Variants in ARB2A observed in about 807,000 individuals in gnomAD.
ARB2A encodes the protein cotranscriptional regulator ARB2A.
At chr5:93,995,626 C>A in the ARB2A span, among the ~76,000 whole-genome samples, 1 of 152,084 alleles carries the variant, frequency 6.6e-6, no homozygotes, top group African/African-American at 2.4e-5. Context: ...AAGTTATAGG[C>A]AGATTTTCAA....
chr5:93,850,288 A>T, the ARB2A span, among the ~76,000 whole-genome samples: 1 of 152,192 alleles, frequency 6.6e-6, no homozygotes, highest in Non-Finnish European at 1.5e-5. Context: ...AATTCACAGT[A>T]TACACTGAGG....
the ARB2A span, among the ~76,000 whole-genome samples, chr5:93,751,153 C>CTT: frequency 2.7e-5 from 4 of 146,800 alleles, no homozygotes; most frequent in African/African-American, 7.4e-5. Flanking sequence ...TTTGCCCCAA[C>CTT]TTTTTTTTTT....
At chr5:93,922,972 T>G in the ARB2A span, among the ~76,000 whole-genome samples, 1 of 152,102 alleles carries the variant, frequency 6.6e-6, no homozygotes, top group East Asian at 1.9e-4. Context: ...GAAATTACCA[T>G]GTATTTCCAC....
chr5:93,687,622 G>A, the ARB2A span, among the ~76,000 whole-genome samples: 3 of 152,004 alleles, frequency 2.0e-5, no homozygotes, highest in Non-Finnish European at 2.9e-5. Context: ...TAAATAGAAC[G>A]TATTATTTTT....
the ARB2A span, among the ~76,000 whole-genome samples, chr5:93,763,635 C>T: frequency 3.9e-5 from 6 of 152,220 alleles, no homozygotes; most frequent in East Asian, 3.9e-4. Context: ...TTAGACAGAT[C>T]AACGAGACAG....
the ARB2A span, chr5:93,619,483 GTTGATT>G: frequency 6.6e-6 from 1 of 152,160 alleles, no homozygotes; most frequent in Non-Finnish European, 1.5e-5. Flanking sequence ...GCACGAAGTG[GTTGATT>G]TTAAGTTACT....
At chr5:93,907,133 TGATTCTGA>T in the ARB2A span, among the ~76,000 whole-genome samples, 1 of 151,478 alleles carries the variant, frequency 6.6e-6, no homozygotes. Flanking sequence ...ACTCTGCCAA[TGATTCTGA>T]GAGTCAGCCA....
chr5:93,844,279 A>G, the ARB2A span, among the ~76,000 whole-genome samples: 1 of 152,078 alleles, frequency 6.6e-6, no homozygotes, highest in African/African-American at 2.4e-5. Context: ...TTTCATCTGT[A>G]CTAACAATAC....
At chr5:93,967,193 T>C in the ARB2A span, among the ~76,000 whole-genome samples, 1 of 152,136 alleles carries the variant, frequency 6.6e-6, no homozygotes, top group Non-Finnish European at 1.5e-5. Flanking sequence ...ATGTCATCTG[T>C]GTTCAAATGT....
At chr5:93,921,157 TAAA>T in the ARB2A span, among the ~76,000 whole-genome samples, 4 of 124,150 alleles carry the variant, frequency 3.2e-5, no homozygotes, top group East Asian at 2.3e-4. Context: ...AAGACCATGT[TAAA>T]AAAAAAAAAA....
chr5:94,036,897 G>T, the ARB2A span, among the ~76,000 whole-genome samples: 1 of 152,056 alleles, frequency 6.6e-6, no homozygotes, highest in African/African-American at 2.4e-5. Flanking sequence ...AGCGCCACTG[G>T]GTTGGTAGGT....
At chr5:94,050,981 A>T in the ARB2A span, 1 of 589,330 alleles carries the variant, frequency 1.7e-6, no homozygotes, top group African/African-American at 1.9e-5. Flanking sequence ...AGATGTCACT[A>T]TGATGCAAAC....
At chr5:93,970,746 A>T in the ARB2A span, among the ~76,000 whole-genome samples, 4 of 152,322 alleles carry the variant, frequency 2.6e-5, no homozygotes, top group African/African-American at 9.6e-5. Flanking sequence ...TTTCTGCTTG[A>T]AATAATTACA....
the ARB2A span, among the ~76,000 whole-genome samples, chr5:93,934,188 T>C: frequency 2.0e-5 from 3 of 152,186 alleles, no homozygotes; most frequent in African/African-American, 7.2e-5. Context: ...GATTTAACCA[T>C]GTACATGGTT....
chr5:93,760,994 T>G, the ARB2A span, among the ~76,000 whole-genome samples: 6 of 152,070 alleles, frequency 3.9e-5, no homozygotes, highest in South Asian at 1.2e-3. Flanking sequence ...ATCTTCACAA[T>G]CTATACATCT....
At chr5:93,924,869 G>C in the ARB2A span, among the ~76,000 whole-genome samples, 1,211 of 152,126 alleles carry the variant, frequency 8.0e-3, 25 homozygotes, top group Non-Finnish European at 6.2e-3. Context: ...GTCCACTTTA[G>C]CTTACTGAAA....
At chr5:93,754,506 A>G in the ARB2A span, among the ~76,000 whole-genome samples, 1 of 152,222 alleles carries the variant, frequency 6.6e-6, no homozygotes, top group Non-Finnish European at 1.5e-5. Flanking sequence ...CCTTAGCAGC[A>G]GCACTTCTCC....
At chr5:93,716,281 T>C in the ARB2A span, among the ~76,000 whole-genome samples, 9 of 152,136 alleles carry the variant, frequency 5.9e-5, no homozygotes, top group South Asian at 2.1e-4. Context: ...TAAGAAAGAA[T>C]AGCAATGGCA....
the ARB2A span, among the ~76,000 whole-genome samples, chr5:93,917,923 T>A: frequency 6.6e-6 from 1 of 152,094 alleles, no homozygotes; most frequent in Non-Finnish European, 1.5e-5. Context: ...ATAATGTATT[T>A]CCTTGTCCCA....
Sources: gnomAD v4.1 joint callset for allele counts (sites outside exome capture counted in the v4.1 genomes callset) on GRCh38, gnomAD v4.1.1 for gene constraint, MANE v1.5 for transcripts, NCBI Gene and HGNC (gene_info 2026-07-23, HGNC 2026-07-21) for gene names.